ANKS1B: variants seen among roughly 807,000 people sequenced by gnomAD.
The protein encoded by ANKS1B is ankyrin repeat and sterile alpha motif domain-containing protein 1B.
A neutral mutation model predicts 148.3 loss-of-function variants in ANKS1B; 36 were observed. That is an observed-to-expected ratio of 0.24 (90% confidence interval 0.19 to 0.32). The LOEUF (loss-of-function observed/expected upper bound fraction) is 0.32, where lower values mean the gene tolerates loss of function less well. Among genes scored for constraint, ANKS1B ranks in the 10% least tolerant of loss-of-function variants. The pLI, the probability that ANKS1B is intolerant of heterozygous loss-of-function variation, is 1.00. For missense variants in ANKS1B, 1,157 were observed against 1,542.6 expected (o/e 0.75, Z 4.19); for synonymous variants, 542 against 560.8 (o/e 0.97, Z 0.47).
At chr12:99,246,105 C>T (rs1053541662) in intron 13 of ANKS1B, among the ~76,000 whole-genome samples, 170 bp downstream of exon 13, 3 of 152,170 alleles carry the variant, frequency 2.0e-5, no homozygotes, top group East Asian at 3.9e-4. Flanking sequence ...TGTTTTTATA[C>T]TTGCTGTGAA....
chr12:99,108,960 G>A (rs2059763179), intron 15 of ANKS1B, among the ~76,000 whole-genome samples: 1 of 151,896 alleles, frequency 6.6e-6, no homozygotes, highest in African/African-American at 2.4e-5. Context: ...AGGAAGGGAA[G>A]TAAATGGCCT....
Position 99,662,862 on chromosome 12 carries a change from C to T in ANKS1B, c.1129-7652G>A, listed in dbSNP as rs1005206941. ...AGGGTGCTTTTCATCTCCCCTTCCA[C>T]CAAGAAGAATAGAATTCTTGGTGTC... On this transcript the variant is annotated intron_variant, in intron 8 of 26. Coordinates refer to ENST00000683438, the MANE Select transcript of ANKS1B (RefSeq NM_001352186.2). 3.3e-5 allele frequency among the ~76,000 whole-genome samples: 5 copies of T among 152,044 alleles called. No homozygotes were observed. The East Asian group carries it at 9.6e-4, about 29-fold the overall frequency.
intron 9 of ANKS1B, among the ~76,000 whole-genome samples, chr12:99,633,911 C>T (rs1484316265): frequency 2.0e-5 from 3 of 152,064 alleles, no homozygotes; most frequent in Non-Finnish European, 4.4e-5. Flanking sequence ...CTACCATATG[C>T]CTGTATAACA....
chr12:99,824,713 T>C (rs768526405), intron 2 of ANKS1B, among the ~76,000 whole-genome samples: 7 of 152,028 alleles, frequency 4.6e-5, no homozygotes, highest in South Asian at 2.1e-4. Context: ...ATACTGGAAA[T>C]AGAGATTGTT....
At chr12:99,156,023 T>C (rs1439475511) in intron 14 of ANKS1B, among the ~76,000 whole-genome samples, 1 of 152,196 alleles carries the variant, frequency 6.6e-6, no homozygotes, top group Non-Finnish European at 1.5e-5. Context: ...GCCTGGCACA[T>C]AGTAAGTGCC....
At chr12:98,964,406 A>G (rs1597678656) in intron 17 of ANKS1B, among the ~76,000 whole-genome samples, 1 of 152,366 alleles carries the variant, frequency 6.6e-6, no homozygotes, top group Middle Eastern at 3.4e-3. Context: ...TTAAAAAATT[A>G]AAATGGAACT....
chr12:99,974,985 T>C (rs577495958), intron 1 of ANKS1B, among the ~76,000 whole-genome samples: 4 of 151,528 alleles, frequency 2.6e-5, no homozygotes, highest in Non-Finnish European at 5.9e-5. Flanking sequence ...TCTGTCCTTA[T>C]AAAAAAAAAT....
intron 1 of ANKS1B, among the ~76,000 whole-genome samples, chr12:99,971,433 A>G (rs1301174298): frequency 6.6e-6 from 1 of 152,232 alleles, no homozygotes; most frequent in African/African-American, 2.4e-5. Context: ...TAGCAGTAAA[A>G]TATCTATATA....
intron 4 of ANKS1B, among the ~76,000 whole-genome samples, chr12:99,802,713 G>A (rs991006319): frequency 6.6e-6 from 1 of 151,964 alleles, no homozygotes; most frequent in East Asian, 1.9e-4. Context: ...AGGAGTTCGA[G>A]ACCAACCTGG....
intron 12 of ANKS1B, among the ~76,000 whole-genome samples, chr12:99,282,492 T>C (rs1159183831): frequency 1.3e-5 from 2 of 152,172 alleles, no homozygotes; most frequent in African/African-American, 4.8e-5. Context: ...CTCTGGCTAC[T>C]CTTGTGCGAA....
At chr12:99,597,226 G>A (rs890585365) in intron 9 of ANKS1B, among the ~76,000 whole-genome samples, 4 of 149,070 alleles carry the variant, frequency 2.7e-5, no homozygotes, top group African/African-American at 1.0e-4. Flanking sequence ...CATAATACTT[G>A]CCTTTACAAC....
intron 9 of ANKS1B, among the ~76,000 whole-genome samples, chr12:99,526,311 C>T (rs538110395): frequency 6.6e-6 from 1 of 152,178 alleles, no homozygotes; most frequent in Non-Finnish European, 1.5e-5. Flanking sequence ...GACTTTAGAA[C>T]TTTTGCCATG....
intron 1 of ANKS1B, among the ~76,000 whole-genome samples, chr12:99,942,033 G>C (rs1037270733): frequency 6.6e-6 from 1 of 152,148 alleles, no homozygotes; most frequent in African/African-American, 2.4e-5. Context: ...CTTATGATTT[G>C]AAAGGCATCT....
rs1353054459 is a variant in ANKS1B at position 98,887,842 on chromosome 12, G to A, written c.2779-55706C>T. On this transcript the variant is annotated intron_variant, in intron 17 of 26. Transcript: ENST00000683438. ...TGGCCAGACTGGTCTTGAACTTCTG[G>A]CCTCAAGCTCTCCACCGGCCTCAGC... Among the ~76,000 whole-genome samples, 49 of 152,122 alleles carry A rather than the reference G, an allele frequency of 3.2e-4. 1 individual carries two copies. The highest frequency in any genetic ancestry group is 3.2e-3 in the Admixed American group (49 of 15,276).
intron 17 of ANKS1B, among the ~76,000 whole-genome samples, chr12:98,907,464 C>T (rs1022000874): frequency 5.3e-5 from 8 of 152,284 alleles, no homozygotes; most frequent in African/African-American, 1.9e-4. Context: ...GCCCACTCCA[C>T]CCCCTTACCC....
At chr12:99,046,171 A>G (rs1598935427) in intron 17 of ANKS1B, among the ~76,000 whole-genome samples, 1 of 151,950 alleles carries the variant, frequency 6.6e-6, no homozygotes, top group African/African-American at 2.4e-5. Context: ...ACTAAACAAT[A>G]CTCTGCCTTG....
At chr12:99,683,601 G>A (rs2098633446) in intron 8 of ANKS1B, among the ~76,000 whole-genome samples, 1 of 151,914 alleles carries the variant, frequency 6.6e-6, no homozygotes, top group Non-Finnish European at 1.5e-5. Flanking sequence ...AGATAAACAG[G>A]GAATCCTCCC....
intron 17 of ANKS1B, chr12:98,894,861 C>T (rs2152726442): frequency 2.0e-6 from 2 of 979,954 alleles, no homozygotes; most frequent in South Asian, 9.4e-5. Context: ...CGGGCTCTCC[C>T]CGCGAGCTCC....
At chr12:99,245,700 T>G (rs1411413228) in intron 13 of ANKS1B, among the ~76,000 whole-genome samples, 1 of 152,244 alleles carries the variant, frequency 6.6e-6, no homozygotes, top group Non-Finnish European at 1.5e-5. Context: ...TGTATGAAAT[T>G]AAACACTTTA....
Sources: gnomAD v4.1 joint callset for allele counts (sites outside exome capture counted in the v4.1 genomes callset) on GRCh38, gnomAD v4.1.1 for gene constraint, MANE v1.5 for transcripts, NCBI Gene and HGNC (gene_info 2026-07-23, HGNC 2026-07-21) for gene names.